Variants in USP6 observed in about 807,000 individuals in gnomAD.
USP6 encodes the protein ubiquitin specific peptidase 6, also known as ubiquitin carboxyl-terminal hydrolase 6.
A neutral mutation model predicts 175.7 loss-of-function variants in USP6; 128 were observed. The ratio of observed to expected loss-of-function variants is 0.73; its 90% confidence interval spans 0.63 to 0.84. The LOEUF is 0.84. Ranked by LOEUF, USP6 falls within the 40% of genes least tolerant of loss-of-function variation. The probability of loss-of-function intolerance (pLI) is 0.00; values close to 1 mark genes in which losing one functional copy is unlikely to be tolerated. For synonymous variants in USP6, 562 were observed against 630.6 expected, an observed-to-expected ratio of 0.89 and a Z score of 1.63; for missense variants, 1,498 against 1,760.3, an observed-to-expected ratio of 0.85 and a Z score of 2.67.
At position 5,139,559 on chromosome 17, in the gene USP6, G is replaced by A; in HGVS notation, c.1383G>A (p.Leu461=). The change falls in exon 22 of 38, where the codon CTG becomes CTA. Residue 461 remains leucine (L), a synonymous_variant. Transcript: ENST00000574788. ...WKSMPRLPTD[L]DIGGPWFPHY... is the part of the protein sequence containing the mutation. Reference sequence around the variant, plus strand: ...CAATGCCCCGGCTCCCAACGGACCTGGATATAGGGGGCCCTTGGTTCCCCC... The same window carrying A: ...CAATGCCCCGGCTCCCAACGGACCTAGATATAGGGGGCCCTTGGTTCCCCC... The A allele has an allele frequency of 1.2e-6, 2 of 1,613,838 alleles. No homozygotes were observed. Among genetic ancestry groups the A allele is most frequent in the South Asian group, 2.2e-5 (2 of 91,074 alleles).
At chr17:5,161,969 G>A (rs1291785161) in intron 32 of USP6, among the ~76,000 whole-genome samples, 3 of 152,104 alleles carry the variant, frequency 2.0e-5, no homozygotes, top group South Asian at 2.1e-4. Context: ...CCAAGGTTGC[G>A]CCATTGCACT....
At position 5,132,944 on chromosome 17, in the gene USP6, G is replaced by A. The variant is rs1597997270; in HGVS notation, c.230G>A (p.Trp77Ter). The A allele has an allele frequency of 6.2e-7, 1 of 1,614,194 alleles. No homozygotes were observed. Among genetic ancestry groups the A allele is most frequent in the Non-Finnish European group, 8.5e-7 (1 of 1,180,028 alleles). The stretch of plus-strand genomic sequence containing the variant: ...CGGGAGATGACACGAACGAGCAAGT[G>A]GATGGAAATGCTGGGAGAATGGGAG... ...IRREMTRTSK[W>*]MEMLGEWETY... Residue 77 changes from tryptophan (W) to a stop codon, truncating the protein, a stop_gained, in exon 13 of 38, where the codon TGG becomes TAG. Transcript: ENST00000574788. LOFTEE classifies it high-confidence loss of function. This position sits in a 1 kb window ranked among gnomAD's most constrained non-coding sequence, Gnocchi z 4.7.
chr17:5,169,508 C>T (rs545177159), intron 35 of USP6, among the ~76,000 whole-genome samples: 39 of 152,266 alleles, frequency 2.6e-4, no homozygotes, highest in Admixed American at 1.5e-3. Context: ...CAACACAGAT[C>T]ACAGCTCACT....
At chr17:5,154,452 T>C (rs1332827560) in intron 30 of USP6, among the ~76,000 whole-genome samples, 2 of 152,236 alleles carry the variant, frequency 1.3e-5, no homozygotes, top group Non-Finnish European at 2.9e-5. Flanking sequence ...CTGTGCAGTA[T>C]CTCTATATTA....
At chr17:5,150,749 T>G (rs2073748433) in intron 30 of USP6, among the ~76,000 whole-genome samples, 1 of 152,124 alleles carries the variant, frequency 6.6e-6, no homozygotes, top group Non-Finnish European at 1.5e-5. Context: ...TGCCTCGCCC[T>G]CCCGAAGTGC....
At position 5,170,750 on chromosome 17, in the gene USP6, G is replaced by A; in HGVS notation, c.3789G>A (p.Glu1263=). Residue 1263 remains glutamate (E), a synonymous_variant, in exon 36 of 38, where the codon GAG becomes GAA. Coordinates refer to ENST00000574788, the MANE Select transcript of USP6 (RefSeq NM_001304284.2). ...QPELVTPQDH[E]VALANGFLYE... is the part of the protein sequence containing the mutation. ...AGCTGGTCACTCCTCAGGACCATGA[G>A]GTAGCTTTGGCCAATGGATTCCTTT... The A allele has an allele frequency of 1.2e-6, 2 of 1,613,986 alleles. No individual in the cohort carries two copies. Among genetic ancestry groups the A allele is most frequent in the Non-Finnish European group, 1.7e-6 (2 of 1,179,870 alleles).
chr17:5,172,093 T>TG (rs1176507071), intron 37 of USP6, among the ~76,000 whole-genome samples: 1 of 151,040 alleles, frequency 6.6e-6, no homozygotes, highest in East Asian at 1.9e-4. Flanking sequence ...GAGAATGGCT[T>TG]GAACCTGGGA....
rs143628661 is a variant in USP6, at chr17:5,139,273, C to T, written c.1097C>T (p.Ser366Phe). The change falls in exon 22 of 38, where the codon TCC becomes TTC. Residue 366 changes from serine to phenylalanine, a missense_variant. Physicochemically the swap from Ser to Phe is radical, Grantham distance 155. Coordinates refer to ENST00000574788, the MANE Select transcript of USP6 (RefSeq NM_001304284.2). Reference sequence around the variant, plus strand: ...CTTTCAGCCAAACGCGAGCAAGGGTCCTTGGCACCCAGGCCTGTGCCGGCT... The same window carrying T: ...CTTTCAGCCAAACGCGAGCAAGGGTTCTTGGCACCCAGGCCTGTGCCGGCT... ...LPPPAKREQG[S>F]LAPRPVPASR... 10 of 1,603,706 alleles carry T rather than the reference C, an allele frequency of 6.2e-6. No individual in the cohort carries two copies. The African/African-American group carries it at 1.2e-4, about 19-fold the overall frequency.
chr17:5,117,011 G>A (rs2072553016), intron 1 of USP6, among the ~76,000 whole-genome samples: 1 of 152,218 alleles, frequency 6.6e-6, no homozygotes, highest in Non-Finnish European at 1.5e-5. Context: ...TAAATAATAG[G>A]AAGGAAAGGT....
Position 5,173,119 on chromosome 17 carries a change from T to C in USP6, c.*141T>C. On this transcript the variant is annotated 3_prime_UTR_variant, in exon 38 of 38. Transcript: ENST00000574788. ...GAACAAAAATTCTAATTAAAATAGT[T>C]AACTTGAAGAGTAGAAACAATTGTA... The C allele has an allele frequency of 2.8e-6, 3 of 1,084,874 alleles. No homozygotes were observed. Among genetic ancestry groups the C allele is most frequent in the Non-Finnish European group, 3.9e-6 (3 of 770,162 alleles). 67.2% of individuals were successfully genotyped at this position (1,084,874 alleles called of 1,614,324 possible). A position where few individuals can be genotyped will look rare whatever the true frequency, so the allele number is the denominator to read the frequency against.
chr17:5,141,356 A>C, intron 22 of USP6, 69 bp from the exon 23 acceptor site: 2 of 1,436,028 alleles, frequency 1.4e-6, no homozygotes, highest in Middle Eastern at 3.5e-4. Flanking sequence ...AAAAAAAAAA[A>C]ACAGAAGCAA....
rs1301889430 is a variant in USP6, at chr17:5,125,102, A to G, written c.-762A>G. 6.6e-6 allele frequency: 1 copy of G among 152,210 alleles called. No individual in the cohort carries two copies. Among genetic ancestry groups the G allele is most frequent in the Non-Finnish European group, 1.5e-5 (1 of 68,066 alleles). The allele number at this position is 152,210 out of a possible 1,614,324, so 9.4% of individuals were successfully genotyped here. A position where few individuals can be genotyped will look rare whatever the true frequency, so the allele number is the denominator to read the frequency against. On this transcript the variant is annotated 5_prime_UTR_variant, in exon 5 of 38. Transcript: ENST00000574788. ...CCTGTCAGATGAGCGGTGCCGTTAG[A>G]TTCTCACAGAAGCATGAACCCTACT...
Position 5,130,630 on chromosome 17 carries a change from A to C in USP6, c.101A>C (p.Lys34Thr), listed in dbSNP as rs767038687. Residue 34 changes from lysine to threonine, a missense_variant, in exon 11 of 38, where the codon AAG becomes ACG. Around this residue, in one of 2 missense-constraint regions of USP6, gnomAD observed 281 missense variants for 259.6 expected, o/e 1.08. Coordinates refer to ENST00000574788, the MANE Select transcript of USP6 (RefSeq NM_001304284.2). ...CACCGAGCTGGGCTGCCAGAGGACA[A>C]GGGGCCTGAGCCCGTTGGAATCAAC... ...KGHRAGLPED[K>T]GPEPVGINSS... 12 of 1,613,906 alleles carry C rather than the reference A, an allele frequency of 7.4e-6. No homozygotes were observed. The highest frequency in any genetic ancestry group is 1.0e-5 in the Non-Finnish European group (12 of 1,179,824).
chr17:5,133,354 CA>C, intron 13 of USP6, 88 bp from the exon 14 acceptor site: 1 of 1,421,402 alleles, frequency 7.0e-7, no homozygotes, highest in Non-Finnish European at 9.9e-7. Flanking sequence ...ATCATGGGGC[CA>C]AAACTGACAA....
At chr17:5,160,224 T>C (rs369672395) in intron 31 of USP6, among the ~76,000 whole-genome samples, 1 of 152,308 alleles carries the variant, frequency 6.6e-6, no homozygotes, top group East Asian at 1.9e-4. Flanking sequence ...TGCAGAAAGA[T>C]GGGAACTCTT....
At chr17:5,151,063 T>A (rs1238073182) in intron 30 of USP6, among the ~76,000 whole-genome samples, 2 of 152,130 alleles carry the variant, frequency 1.3e-5, no homozygotes, top group African/African-American at 4.8e-5. Context: ...TATCTTGACA[T>A]CCTCAACTTA....
chr17:5,123,286 T>TC (rs36029355), intron 4 of USP6, among the ~76,000 whole-genome samples: 4 of 151,884 alleles, frequency 2.6e-5, no homozygotes, highest in Non-Finnish European at 5.9e-5. Context: ...GGTCGCCTTT[T>TC]CCCCGCACCG....
At chr17:5,147,323 T>C in intron 29 of USP6, 129 bp downstream of exon 29, 2 of 1,080,678 alleles carry the variant, frequency 1.9e-6, no homozygotes, top group African/African-American at 3.3e-5. Context: ...AAGGGAAACC[T>C]TACTGATTAT....
intron 29 of USP6, among the ~76,000 whole-genome samples, chr17:5,148,196 C>A (rs1382431938): frequency 4.6e-5 from 7 of 152,228 alleles, no homozygotes; most frequent in Non-Finnish European, 8.8e-5. Context: ...ATTTTAAATG[C>A]AACATCTGGG....
Sources: gnomAD v4.1 joint callset for allele counts (sites outside exome capture counted in the v4.1 genomes callset) on GRCh38, gnomAD v4.1.1 for gene constraint, gnomAD v4.1.1 regional missense constraint, Gnocchi (gnomAD v3.1) non-coding constraint, MANE v1.5 for transcripts, NCBI Gene and HGNC (gene_info 2026-07-23, HGNC 2026-07-21) for gene names.